Variants in MBOAT2 observed in about 807,000 individuals in gnomAD.
The protein encoded by MBOAT2 is membrane-bound glycerophospholipid O-acyltransferase 2.
Under a neutral mutation model 63.4 loss-of-function variants are expected in MBOAT2, and 28 were observed. The ratio of observed to expected loss-of-function variants is 0.44; its 90% confidence interval spans 0.33 to 0.61. The LOEUF is 0.61. Among genes scored for constraint, MBOAT2 ranks in the 20% least tolerant of loss-of-function variants. The pLI, the probability that MBOAT2 is intolerant of heterozygous loss-of-function variation, is 0.03. For synonymous variants in MBOAT2, 211 were observed against 215.6 expected (o/e 0.98, Z 0.19); for missense variants, 470 against 605.8 (o/e 0.78, Z 2.35).
At chr2:8,953,967 A>T (rs1669022353) in intron 2 of MBOAT2, among the ~76,000 whole-genome samples, 2 of 152,212 alleles carry the variant, frequency 1.3e-5, no homozygotes, top group African/African-American at 2.4e-5. Flanking sequence ...GATCTAGTGC[A>T]ATCATTTGGC....
chr2:8,946,313 T>C (rs759665807), intron 2 of MBOAT2, among the ~76,000 whole-genome samples: 12 of 152,224 alleles, frequency 7.9e-5, no homozygotes, highest in Middle Eastern at 3.4e-3. Context: ...GACTTCAGAG[T>C]TTAAGCTCTA....
chr2:8,886,132 C>A (rs1663532274), intron 5 of MBOAT2, among the ~76,000 whole-genome samples: 1 of 152,162 alleles, frequency 6.6e-6, no homozygotes. Flanking sequence ...GTGACCAGCC[C>A]CCAGTAAAAA....
chr2:8,888,084 A>G lies in MBOAT2; in HGVS notation c.396-11T>C, dbSNP rs1325215438. 2.5e-6 allele frequency: 4 copies of G among 1,608,732 alleles called. No homozygotes were observed. Among genetic ancestry groups the G allele is most frequent in the Non-Finnish European group, 3.4e-6 (4 of 1,177,792 alleles). ...ATGATCATCATTGGGCTGTGACAAG[A>G]TAAAAAAAATTAGTGTTTTAAAAGA... On this transcript the variant is annotated splice_polypyrimidine_tract_variant and intron_variant, in intron 4 of 12. Coordinates refer to ENST00000305997, the MANE Select transcript of MBOAT2 (RefSeq NM_138799.4).
chr2:8,994,108 T>C (rs1161550563), intron 1 of MBOAT2, among the ~76,000 whole-genome samples: 1 of 152,222 alleles, frequency 6.6e-6, no homozygotes. Flanking sequence ...TATGCTTTCA[T>C]CACACCAGCC....
chr2:8,902,408 T>C (rs977732193), intron 4 of MBOAT2, among the ~76,000 whole-genome samples: 4 of 152,220 alleles, frequency 2.6e-5, no homozygotes, highest in African/African-American at 7.2e-5. Context: ...CCGCGGACCC[T>C]TGCAGTGAGT....
At chr2:8,922,668 G>C (rs16866848) in intron 3 of MBOAT2, among the ~76,000 whole-genome samples, 4,346 of 152,320 alleles carry the variant, frequency 0.029, 172 homozygotes, top group African/African-American at 0.091. Context: ...CCCGAAGCCA[G>C]TAAGAGAGCT....
intron 1 of MBOAT2, among the ~76,000 whole-genome samples, chr2:8,973,187 C>T (rs532055959): frequency 1.3e-5 from 2 of 152,048 alleles, no homozygotes; most frequent in South Asian, 4.2e-4. Context: ...TACTATGCAG[C>T]CATAAAAAAG....
intron 1 of MBOAT2, among the ~76,000 whole-genome samples, chr2:8,979,141 A>C (rs1306572443): frequency 6.6e-6 from 1 of 152,132 alleles, no homozygotes; most frequent in Non-Finnish European, 1.5e-5. Flanking sequence ...TTATCAACTT[A>C]TGGATATGTT....
chr2:8,993,198 C>G (rs569943271), intron 1 of MBOAT2, among the ~76,000 whole-genome samples: 1 of 152,216 alleles, frequency 6.6e-6, no homozygotes, highest in Non-Finnish European at 1.5e-5. Flanking sequence ...TCAGAATTAT[C>G]TTCAATTCTT....
At chr2:8,878,371 A>G (rs754748588) in intron 6 of MBOAT2, among the ~76,000 whole-genome samples, 64 of 152,258 alleles carry the variant, frequency 4.2e-4, no homozygotes, top group Non-Finnish European at 7.1e-4. Context: ...ATAAACCATC[A>G]CAAAGAAAGC....
At position 8,886,688 on chromosome 2, in the gene MBOAT2, A is replaced by G. The variant is rs963900234; in HGVS notation, c.451+1330T>C. On this transcript the variant is annotated intron_variant, in intron 5 of 12. Coordinates refer to ENST00000305997, the MANE Select transcript of MBOAT2 (RefSeq NM_138799.4). Reference sequence around the variant, plus strand: ...TACCATTAAATCCATTTAAAAGAACAGGTTACAAAATGGGGTTTGTTGTTC... The same window carrying G: ...TACCATTAAATCCATTTAAAAGAACGGGTTACAAAATGGGGTTTGTTGTTC... Among the ~76,000 whole-genome samples, 3 of 152,244 alleles carry G rather than the reference A, an allele frequency of 2.0e-5. No individual in the cohort carries two copies. In the South Asian group the frequency reaches 6.2e-4, roughly 31 times the overall value.
rs898469767 is a variant in MBOAT2 at position 9,003,109 on chromosome 2, G to T, written c.75+431C>A. On this transcript the variant is annotated intron_variant, in intron 1 of 12. Coordinates refer to ENST00000305997, the MANE Select transcript of MBOAT2 (RefSeq NM_138799.4). This position sits in a 1 kb window ranked among gnomAD's most constrained non-coding sequence, Gnocchi z 5.4. ...GGGGGTCGCTCAGAGGCGCGCGCGG[G>T]GCAGGCAGCACCACGCCAGGCTCCC... Among the ~76,000 whole-genome samples the T allele has an allele frequency of 1.3e-5, 2 of 152,052 alleles. No homozygotes were observed. The highest frequency in any genetic ancestry group is 2.9e-5 in the Non-Finnish European group (2 of 67,970).
chr2:8,973,774 A>G (rs1670627873), intron 1 of MBOAT2, among the ~76,000 whole-genome samples: 3 of 152,144 alleles, frequency 2.0e-5, no homozygotes, highest in African/African-American at 7.2e-5. Context: ...AAAGTAAAAT[A>G]ACATTTTCAT....
chr2:8,879,182 C>A (rs1304966448), intron 6 of MBOAT2, among the ~76,000 whole-genome samples: 1 of 151,318 alleles, frequency 6.6e-6, no homozygotes, highest in East Asian at 1.9e-4. Flanking sequence ...TCAGTTCTTT[C>A]TATTTAATGA....
intron 12 of MBOAT2, among the ~76,000 whole-genome samples, 186 bp downstream of exon 12, chr2:8,860,427 C>A (rs1321877727): frequency 6.6e-6 from 1 of 152,112 alleles, no homozygotes; most frequent in African/African-American, 2.4e-5. Flanking sequence ...GAGGGTTGAG[C>A]AGTATGAGTC....
chr2:8,905,047 C>T (rs1665231427), intron 4 of MBOAT2, among the ~76,000 whole-genome samples: 1 of 152,154 alleles, frequency 6.6e-6, no homozygotes, highest in Non-Finnish European at 1.5e-5. Context: ...GCAAGTAAAA[C>T]TGTCCCATAA....
chr2:8,902,786 C>A (rs1169216955), intron 4 of MBOAT2, among the ~76,000 whole-genome samples: 1 of 152,104 alleles, frequency 6.6e-6, no homozygotes, highest in Non-Finnish European at 1.5e-5. Context: ...TGGCGGGGAC[C>A]CAAAGAGTGA....
At chr2:8,919,393 G>A (rs1666414645) in intron 3 of MBOAT2, among the ~76,000 whole-genome samples, 1 of 152,180 alleles carries the variant, frequency 6.6e-6, no homozygotes, top group African/African-American at 2.4e-5. Flanking sequence ...GGTATTGTCA[G>A]TCTTTTAAAT....
rs565319924 is a variant in MBOAT2 at position 8,973,270 on chromosome 2, T to C, written c.76-14628A>G. ...CGTTCTCAGCAAACTATCACAGGGATAAAAAACCAAACACTGCATGTTCTC... is the reference window on the plus strand; with the variant it reads ...CGTTCTCAGCAAACTATCACAGGGACAAAAAACCAAACACTGCATGTTCTC... On this transcript the variant is annotated intron_variant, in intron 1 of 12. Coordinates refer to ENST00000305997, the MANE Select transcript of MBOAT2 (RefSeq NM_138799.4). 3.5e-5 allele frequency among the ~76,000 whole-genome samples: 5 copies of C among 143,358 alleles called. No homozygotes were observed. The South Asian group carries it at 1.1e-3, about 31-fold the overall frequency. The allele number at this position is 143,358 out of a possible 152,430, so 94.0% of individuals were successfully genotyped here.
Sources: gnomAD v4.1 joint callset for allele counts (sites outside exome capture counted in the v4.1 genomes callset) on GRCh38, gnomAD v4.1.1 for gene constraint, Gnocchi (gnomAD v3.1) non-coding constraint, MANE v1.5 for transcripts, NCBI Gene and HGNC (gene_info 2026-07-23, HGNC 2026-07-21) for gene names.